Variants in RBFOX3 observed in about 807,000 individuals in gnomAD.
The protein encoded by RBFOX3 is RNA binding fox-1 homolog 3.
Under a neutral mutation model 48.7 loss-of-function variants are expected in RBFOX3, and 17 were observed. That is an observed-to-expected ratio of 0.35 (90% CI 0.24 to 0.52). The LOEUF (loss-of-function observed/expected upper bound fraction) is 0.52, where lower values mean the gene tolerates loss of function less well. RBFOX3 is among the 20% of genes least tolerant of loss of function. The pLI is 0.94. For missense variants in RBFOX3, 382 were observed against 497.5 expected (o/e 0.77, Z 2.21); for synonymous variants, 212 against 209.5 (o/e 1.01, Z -0.10).
chr17:79,126,267 C>T (rs1450953904), intron 4 of RBFOX3, among the ~76,000 whole-genome samples: 1 of 152,238 alleles, frequency 6.6e-6, no homozygotes, highest in African/African-American at 2.4e-5. Flanking sequence ...GGGACCAGAA[C>T]AGGACAGACG....
the RBFOX3 span, among the ~76,000 whole-genome samples, chr17:79,623,445 C>T: frequency 1.3e-5 from 2 of 152,134 alleles, no homozygotes; most frequent in Non-Finnish European, 2.9e-5. Context: ...ATTGGGGTTG[C>T]TCACTGGTGA....
At chr17:79,236,381 T>A (rs1235309681) in intron 3 of RBFOX3, among the ~76,000 whole-genome samples, 1 of 152,106 alleles carries the variant, frequency 6.6e-6, no homozygotes, top group Non-Finnish European at 1.5e-5. Context: ...CTCCGCCTCC[T>A]GGGTTCGAGC....
At chr17:79,207,648 C>A (rs761049256) in intron 4 of RBFOX3, among the ~76,000 whole-genome samples, 1 of 152,314 alleles carries the variant, frequency 6.6e-6, no homozygotes, top group Non-Finnish European at 1.5e-5. Flanking sequence ...TGGAACACGC[C>A]CTCCTCTCGC....
At chr17:79,525,826 C>T (rs1039819935) in intron 1 of RBFOX3, among the ~76,000 whole-genome samples, 3 of 152,164 alleles carry the variant, frequency 2.0e-5, no homozygotes, top group South Asian at 2.1e-4. Flanking sequence ...GAATTTCAAC[C>T]TGTCTCTTGT....
chr17:79,303,623 C>T (rs2145427183), intron 3 of RBFOX3, among the ~76,000 whole-genome samples: 1 of 152,274 alleles, frequency 6.6e-6, no homozygotes, highest in Middle Eastern at 3.4e-3. Flanking sequence ...TCATCAACAT[C>T]TATTTCCCTT....
At chr17:79,183,098 G>A (rs1161792132) in intron 4 of RBFOX3, among the ~76,000 whole-genome samples, 2 of 148,000 alleles carry the variant, frequency 1.4e-5, no homozygotes, top group Non-Finnish European at 3.0e-5. Context: ...CGCCGCGCAG[G>A]GGCGCAGTTC....
In RBFOX3 at chr17:79,471,126, T is replaced by C. The variant is rs1555756699; in HGVS notation, c.-175+11328A>G. Among the ~76,000 whole-genome samples, 1 of 152,186 alleles carries C rather than the reference T, an allele frequency of 6.6e-6. No homozygotes were observed. Among genetic ancestry groups the C allele is most frequent in the African/African-American group, 2.4e-5 (1 of 41,450 alleles). ...AGCTTTCTGCTGGCCTCAGTGACAA[T>C]GCTTGACATCCATAATGCAGAATGG... On this transcript the variant is annotated intron_variant, in intron 2 of 14. Coordinates refer to ENST00000693108, the MANE Select transcript of RBFOX3 (RefSeq NM_001350451.2). This position sits in a 1 kb window ranked among gnomAD's most constrained non-coding sequence, Gnocchi z 4.0.
intron 2 of RBFOX3, among the ~76,000 whole-genome samples, chr17:79,409,336 C>T (rs2148547746): frequency 6.6e-6 from 1 of 152,340 alleles, no homozygotes; most frequent in Non-Finnish European, 1.5e-5. Flanking sequence ...CTTTGAGCCC[C>T]CACTGCAGTC....
chr17:79,096,625 C>T, intron 12 of RBFOX3, 28 bp downstream of exon 12: 6 of 1,412,570 alleles, frequency 4.2e-6, no homozygotes, highest in Non-Finnish European at 4.9e-6. Context: ...CCTGATCCCA[C>T]CCTCCCTCCC....
chr17:79,612,566 G>A (rs983782116), upstream of RBFOX3, among the ~76,000 whole-genome samples: 7 of 152,192 alleles, frequency 4.6e-5, no homozygotes, highest in South Asian at 6.2e-4. Flanking sequence ...CCTCCAGCCC[G>A]TCTGGGTCAT....
At chr17:79,093,866 T>C (rs1002723000) in intron 14 of RBFOX3, among the ~76,000 whole-genome samples, 1 of 148,508 alleles carries the variant, frequency 6.7e-6, no homozygotes, top group Non-Finnish European at 1.5e-5. Flanking sequence ...CCCCGCCCCT[T>C]CCACCCCACA....
intron 2 of RBFOX3, among the ~76,000 whole-genome samples, chr17:79,413,011 G>C (rs548195143): frequency 3.9e-5 from 6 of 152,244 alleles, no homozygotes; most frequent in East Asian, 3.9e-4. Context: ...GAACCAGCCT[G>C]CTTCTGCCCT....
In RBFOX3 at chr17:79,396,354, C is replaced by T. The variant is rs543802609; in HGVS notation, c.-175+86100G>A. On this transcript the variant is annotated intron_variant, in intron 2 of 14. Coordinates refer to ENST00000693108, the MANE Select transcript of RBFOX3 (RefSeq NM_001350451.2). Reference sequence around the variant, plus strand: ...GCTGCAAAGTGACCTCTGCTGCCCACGAGGACTCTTGCTTCTCTCCCTGCT... The same window carrying T: ...GCTGCAAAGTGACCTCTGCTGCCCATGAGGACTCTTGCTTCTCTCCCTGCT... Among the ~76,000 whole-genome samples the T allele has an allele frequency of 3.3e-5, 5 of 152,314 alleles. No homozygotes were observed. In the East Asian group the frequency reaches 5.8e-4, roughly 18 times the overall value.
At chr17:79,529,806 C>T (rs1021114827) in intron 1 of RBFOX3, among the ~76,000 whole-genome samples, 3 of 152,222 alleles carry the variant, frequency 2.0e-5, no homozygotes, top group African/African-American at 7.2e-5. Flanking sequence ...AGAAGAGGGG[C>T]TGGCAAACTC....
At chr17:79,330,332 T>C (rs2080050312) in intron 2 of RBFOX3, among the ~76,000 whole-genome samples, 1 of 152,160 alleles carries the variant, frequency 6.6e-6, no homozygotes, top group African/African-American at 2.4e-5. Context: ...CTTCCCCTCT[T>C]GCCCTGGATG....
In RBFOX3 at chr17:79,523,882, C is replaced by A. The variant is rs1030251854; in HGVS notation, c.-319-41284G>T. Among the ~76,000 whole-genome samples the A allele has an allele frequency of 2.4e-3, 363 of 152,300 alleles. 1 individual carries two copies. The highest frequency in any genetic ancestry group is 2.3e-3 in the Non-Finnish European group (154 of 68,030). On this transcript the variant is annotated intron_variant, in intron 1 of 14. Coordinates refer to ENST00000693108, the MANE Select transcript of RBFOX3 (RefSeq NM_001350451.2). ...TTCGGTGTCCTAATACCTTATCCCC[C>A]ACAGCCTCTCCACACCGTGTATCTC...
intron 2 of RBFOX3, among the ~76,000 whole-genome samples, chr17:79,319,375 T>C (rs1371436023): frequency 2.0e-5 from 3 of 152,208 alleles, no homozygotes; most frequent in Non-Finnish European, 4.4e-5. Context: ...CTCCTGCAAG[T>C]GCGGAGATGA....
At chr17:79,449,968 T>A (rs536552551) in intron 2 of RBFOX3, among the ~76,000 whole-genome samples, 1 of 152,162 alleles carries the variant, frequency 6.6e-6, no homozygotes, top group East Asian at 1.9e-4. Flanking sequence ...CGTTTCCCAC[T>A]AGGGGGGAAG....
intron 2 of RBFOX3, among the ~76,000 whole-genome samples, chr17:79,466,267 T>C (rs1240605520): frequency 1.3e-5 from 2 of 152,140 alleles, no homozygotes; most frequent in Non-Finnish European, 2.9e-5. Flanking sequence ...GATTGTTCTC[T>C]GGTTGAGCAT....
Sources: gnomAD v4.1 joint callset for allele counts (sites outside exome capture counted in the v4.1 genomes callset) on GRCh38, gnomAD v4.1.1 for gene constraint, Gnocchi (gnomAD v3.1) non-coding constraint, MANE v1.5 for transcripts, NCBI Gene and HGNC (gene_info 2026-07-23, HGNC 2026-07-21) for gene names.